Variants in SPEG observed in about 807,000 individuals in gnomAD.
SPEG encodes striated muscle enriched protein kinase.
Under a neutral mutation model 300.4 loss-of-function variants are expected in SPEG, and 114 were observed. The observed-to-expected ratio is 0.38, with a 90% CI of 0.33 to 0.44. The LOEUF (loss-of-function observed/expected upper bound fraction) is 0.44, where lower values mean the gene tolerates loss of function less well. Among genes scored for constraint, SPEG ranks in the 20% least tolerant of loss-of-function variants. The pLI, the probability that SPEG is intolerant of heterozygous loss-of-function variation, is 1.00. For missense variants in SPEG, 4,201 were observed against 4,586.2 expected (o/e 0.92, Z 2.43); for synonymous variants, 1,964 against 2,018.9 (o/e 0.97, Z 0.73).
Position 219,444,015 on chromosome 2 carries a change from C to T in SPEG, c.389-638C>T, listed in dbSNP as rs776599911. ...CTGTCCCTGTCTCTCTCCTGCTGCTCCTATGGAAGCGAAGTTTTCCGCTCC... is the reference window on the plus strand; with the variant it reads ...CTGTCCCTGTCTCTCTCCTGCTGCTTCTATGGAAGCGAAGTTTTCCGCTCC... On this transcript the variant is annotated intron_variant, in intron 1 of 40. Coordinates refer to ENST00000312358, the MANE Select transcript of SPEG (RefSeq NM_005876.5). This position sits in a 1 kb window ranked among gnomAD's most constrained non-coding sequence, Gnocchi z 7.8. The T allele has an allele frequency of 2.9e-6, 4 of 1,365,388 alleles. No individual in the cohort carries two copies. The highest frequency in any genetic ancestry group is 1.1e-5 in the South Asian group (1 of 87,558). The allele number at this position is 1,365,388 out of a possible 1,614,324, so 84.6% of individuals were successfully genotyped here. A position where few individuals can be genotyped will look rare whatever the true frequency, so the allele number is the denominator to read the frequency against.
intron 31 of SPEG, among the ~76,000 whole-genome samples, chr2:219,487,091 C>T (rs1693503184): frequency 6.6e-6 from 1 of 152,100 alleles, no homozygotes; most frequent in African/African-American, 2.4e-5. Flanking sequence ...TAAAATCCAC[C>T]CCCAAGTCCT....
Position 219,448,835 on chromosome 2 carries a change from C to A in SPEG, c.1677C>A (p.Ser559Arg), listed in dbSNP as rs771573280. 1.1e-5 allele frequency: 16 copies of A among 1,401,068 alleles called. No individual in the cohort carries two copies. The highest frequency in any genetic ancestry group is 1.2e-5 in the Non-Finnish European group (13 of 1,085,652). 86.8% of individuals were successfully genotyped at this position (1,401,068 alleles called of 1,614,324 possible). Reference sequence around the variant, plus strand: ...CCGCCGCCCAGCCGCCCTCTCCGAGCAGCGCGGAGAAGCCGGGGGACGAGC... The same window carrying A: ...CCGCCGCCCAGCCGCCCTCTCCGAGAAGCGCGGAGAAGCCGGGGGACGAGC... Reference protein sequence around the residue: ...SPAAAQPPSPSSAEKPGDEPG... With the variant: ...SPAAAQPPSPRSAEKPGDEPG... The change falls in exon 4 of 41, where the codon AGC (serine) becomes AGA (arginine). Residue 559 changes from serine to arginine, a missense_variant. Around this residue, in one of 4 missense-constraint regions of SPEG, gnomAD observed 1,258 missense variants for 1,293.9 expected, o/e 0.97. Coordinates refer to ENST00000312358, the MANE Select transcript of SPEG (RefSeq NM_005876.5).
intron 6 of SPEG, among the ~76,000 whole-genome samples, chr2:219,455,541 G>C (rs776192681): frequency 2.0e-5 from 3 of 152,154 alleles, no homozygotes; most frequent in Admixed American, 6.5e-5. Flanking sequence ...GTCAGCTCTA[G>C]GAGCTTAGGG....
At position 219,483,457 on chromosome 2, in the gene SPEG, G is replaced by A. The variant is rs1214763968; in HGVS notation, c.5994G>A (p.Glu1998=). 3.3e-6 allele frequency: 5 copies of A among 1,506,982 alleles called. No homozygotes were observed. Among genetic ancestry groups the A allele is most frequent in the Admixed American group, 2.3e-5 (1 of 42,600 alleles). 93.4% of individuals were successfully genotyped at this position (1,506,982 alleles called of 1,614,324 possible). ...AGGCCCTCCCCTCCCCAGGCCAGGA[G>A]CCCGCAGCTGGGGCTAGCCCCAGGC... ...SPEALPSPGQ[E]PAAGASPRRG... The change falls in exon 30 of 41, where the codon GAG becomes GAA. Residue 1998 remains glutamate, a synonymous_variant. Coordinates refer to ENST00000312358, the MANE Select transcript of SPEG (RefSeq NM_005876.5).
chr2:219,474,795 C>CTT (rs34814828), intron 18 of SPEG, among the ~76,000 whole-genome samples: 5 of 110,434 alleles, frequency 4.5e-5, no homozygotes, highest in African/African-American at 9.4e-5. Flanking sequence ...AGCAAGGATT[C>CTT]TTTTTTTTTT....
Position 219,451,786 on chromosome 2 carries a change from G to T in SPEG, c.2419G>T (p.Ala807Ser). 1.3e-6 allele frequency: 2 copies of T among 1,548,686 alleles called. No individual in the cohort carries two copies. The highest frequency in any genetic ancestry group is 1.7e-6 in the Non-Finnish European group (2 of 1,146,142). The change falls in exon 6 of 41, where the codon GCC becomes TCC. Residue 807 changes from alanine (A) to serine (S), a missense_variant. Physicochemically the swap from Ala to Ser is moderately conservative, Grantham distance 99. Coordinates refer to ENST00000312358, the MANE Select transcript of SPEG (RefSeq NM_005876.5). The surrounding 1 kb of genome is among the most constrained non-coding windows in gnomAD (Gnocchi z 6.4). ...CGAGCTGGGCCAGGCCACCTGTGCCGCCTCACTGACCGTGAGACCCGGTAG... is the reference window on the plus strand; with the variant it reads ...CGAGCTGGGCCAGGCCACCTGTGCCTCCTCACTGACCGTGAGACCCGGTAG... ...TNELGQATCA[A>S]SLTVRPGGST...
Position 219,484,745 on chromosome 2 carries a change from G to A in SPEG, c.7282G>A (p.Ala2428Thr). Residue 2428 changes from alanine (A) to threonine (T), a missense_variant, in exon 30 of 41, where the codon GCC becomes ACC. This residue lies in a region of SPEG where 1,578 missense variants were observed against 1,506.0 expected (regional missense o/e 1.05). Transcript: ENST00000312358. ...GACCCCTCCCGCGCAGCGCCACCCG[G>A]CCTGGGAGGCCCGCGGCGGGGACGG... ...RRTPPAQRHP[A>T]WEARGGDGES... 6.8e-7 allele frequency: 1 copy of A among 1,469,110 alleles called. No homozygotes were observed. Among genetic ancestry groups the A allele is most frequent in the East Asian group, 2.8e-5 (1 of 36,260 alleles). 91.0% of individuals were successfully genotyped at this position (1,469,110 alleles called of 1,614,324 possible).
rs1195596468 is a variant in SPEG, at chr2:219,439,008, G to A, written c.388+3643G>A. Among the ~76,000 whole-genome samples the A allele has an allele frequency of 6.6e-6, 1 of 152,224 alleles. No homozygotes were observed. Among genetic ancestry groups the A allele is most frequent in the East Asian group, 1.9e-4 (1 of 5,198 alleles). ...GGAGCTGGGAATGGGTATGGGGAGT[G>A]TCAACATGCATGCATGCCAAGTGCT... On this transcript the variant is annotated intron_variant, in intron 1 of 40. Coordinates refer to ENST00000312358, the MANE Select transcript of SPEG (RefSeq NM_005876.5). This position sits in a 1 kb window ranked among gnomAD's most constrained non-coding sequence, Gnocchi z 4.5.
chr2:219,457,716 G>C (rs1690301786), intron 6 of SPEG, among the ~76,000 whole-genome samples: 1 of 152,226 alleles, frequency 6.6e-6, no homozygotes, highest in African/African-American at 2.4e-5. Context: ...CCTGAGGCTG[G>C]CCCTCGGGTG....
Position 219,443,204 on chromosome 2 carries a change from T to C in SPEG, c.389-1449T>C. 9 of 1,552,174 alleles carry C rather than the reference T, an allele frequency of 5.8e-6. No individual in the cohort carries two copies. The highest frequency in any genetic ancestry group is 8.0e-6 in the Non-Finnish European group (9 of 1,124,580). ...AGCCCATGCCTACTCCTCCTCTTGG[T>C]CCCTGTCCCTCTGTGAGGCATCGAG... On this transcript the variant is annotated intron_variant, in intron 1 of 40. Coordinates refer to ENST00000312358, the MANE Select transcript of SPEG (RefSeq NM_005876.5). This position sits in a 1 kb window ranked among gnomAD's most constrained non-coding sequence, Gnocchi z 4.6.
In SPEG at chr2:219,490,857, G is replaced by A; in HGVS notation, c.9286G>A (p.Asp3096Asn). The stretch of plus-strand genomic sequence containing the variant: ...GCCAGACAACCTGCTGCTGGCCCCT[G>A]ACAATGCCCTCAAGATTGTGGACTT... ...IKPDNLLLAP[D>N]NALKIVDFGS... Residue 3096 changes from aspartate (D) to asparagine (N), a missense_variant, in exon 38 of 41, where the codon GAC (aspartate) becomes AAC (asparagine). Around this residue, in one of 4 missense-constraint regions of SPEG, gnomAD observed 318 missense variants for 429.5 expected, o/e 0.74. Transcript: ENST00000312358. 2.5e-6 allele frequency: 4 copies of A among 1,613,908 alleles called. No homozygotes were observed. Among genetic ancestry groups the A allele is most frequent in the South Asian group, 2.2e-5 (2 of 91,060 alleles).
At chr2:219,466,403 C>T (rs1045859988) in intron 9 of SPEG, 20 of 1,334,736 alleles carry the variant, frequency 1.5e-5, no homozygotes, top group Non-Finnish European at 1.9e-5. Context: ...ACTGCTGCTA[C>T]AGGCCTGTCT....
chr2:219,443,752 GTGTGTGTGTGCA>G lies in SPEG; in HGVS notation c.389-890_389-879del, dbSNP rs1689085381. ...GGACTGGACACAAGCAGGTGTGTGTGTGTGTGTGTGCATGTGTGTGTGTGGCCAGTGGCAGCA... is the reference window on the plus strand; with the variant it reads ...GGACTGGACACAAGCAGGTGTGTGTGTGTGTGTGTGTGGCCAGTGGCAGCA... On this transcript the variant is annotated intron_variant, in intron 1 of 40. Coordinates refer to ENST00000312358, the MANE Select transcript of SPEG (RefSeq NM_005876.5). The surrounding 1 kb of genome is among the most constrained non-coding windows in gnomAD (Gnocchi z 4.6). The G allele has an allele frequency of 5.6e-6, 2 of 356,978 alleles. No individual in the cohort carries two copies. The highest frequency in any genetic ancestry group is 1.1e-5 in the Non-Finnish European group (2 of 180,050). 22.1% of individuals were successfully genotyped at this position (356,978 alleles called of 1,614,324 possible). A position where few individuals can be genotyped will look rare whatever the true frequency, so the allele number is the denominator to read the frequency against.
rs927783074 is a variant in SPEG at position 219,483,439 on chromosome 2, C to T, written c.5976C>T (p.Leu1992=). 3.2e-6 allele frequency: 5 copies of T among 1,548,330 alleles called. No individual in the cohort carries two copies. Among genetic ancestry groups the T allele is most frequent in the East Asian group, 2.3e-5 (1 of 42,886 alleles). Residue 1992 remains leucine, a synonymous_variant, in exon 30 of 41, where the codon CTC becomes CTT. Coordinates refer to ENST00000312358, the MANE Select transcript of SPEG (RefSeq NM_005876.5). ...QDQEAPSPEA[L]PSPGQEPAAG... is the part of the protein sequence containing the mutation. ...AGGAGGCTCCCAGCCCAGAGGCCCTCCCCTCCCCAGGCCAGGAGCCCGCAG... is the reference window on the plus strand; with the variant it reads ...AGGAGGCTCCCAGCCCAGAGGCCCTTCCCTCCCCAGGCCAGGAGCCCGCAG...
chr2:219,468,881 G>T lies in SPEG; in HGVS notation c.3324G>T (p.Glu1108Asp), dbSNP rs777902859. ...THFGCPMEES[E>D]NLRLRQDGGL... ...CAGGCTGCCCCATGGAGGAGAGTGA[G>T]AACTTGCGGCTGCGGCAGGACGGGG... The change falls in exon 12 of 41, where the codon GAG (glutamate) becomes GAT (aspartate). Residue 1108 changes from glutamate to aspartate, a missense_variant. Around this residue, in one of 4 missense-constraint regions of SPEG, gnomAD observed 1,047 missense variants for 1,356.8 expected, o/e 0.77. Transcript: ENST00000312358. 1 of 1,613,324 alleles carries T rather than the reference G, an allele frequency of 6.2e-7. No individual in the cohort carries two copies. Among genetic ancestry groups the T allele is most frequent in the East Asian group, 2.2e-5 (1 of 44,890 alleles).
chr2:219,472,005 G>T lies in SPEG; in HGVS notation c.3835+18G>T. On this transcript the variant is annotated intron_variant, in intron 14 of 40. Transcript: ENST00000312358. Reference sequence around the variant, plus strand: ...TGTCACAGGTGAGGCAGGCACCCTCGTGGTCAGCTGCACGCACAGCCTGGC... The same window carrying T: ...TGTCACAGGTGAGGCAGGCACCCTCTTGGTCAGCTGCACGCACAGCCTGGC... 2 of 1,608,670 alleles carry T rather than the reference G, an allele frequency of 1.2e-6. No homozygotes were observed. Among genetic ancestry groups the T allele is most frequent in the South Asian group, 1.1e-5 (1 of 91,042 alleles).
intron 9 of SPEG, chr2:219,466,199 T>C: frequency 6.8e-7 from 1 of 1,470,622 alleles, no homozygotes; most frequent in Non-Finnish European, 9.0e-7. Flanking sequence ...CGTCCCAGCC[T>C]CCCCTCCCCA....
At position 219,467,198 on chromosome 2, in the gene SPEG, C is replaced by A; in HGVS notation, c.2906C>A (p.Ala969Asp). The stretch of plus-strand genomic sequence containing the variant: ...GCACACCCTGAAAGCCGGTCCCTGG[C>A]CGTGCTGGCCCCCCTGCAGGACGTG... The part of the protein sequence containing the change: ...VRAHPESRSL[A>D]VLAPLQDVDV... Residue 969 changes from alanine (A) to aspartate (D), a missense_variant, in exon 10 of 41, where the codon GCC (alanine) becomes GAC (aspartate). By Grantham distance (126) the Ala-to-Asp change is moderately radical. Around this residue, in one of 4 missense-constraint regions of SPEG, gnomAD observed 1,047 missense variants for 1,356.8 expected, o/e 0.77. Transcript: ENST00000312358. 1 of 1,587,210 alleles carries A rather than the reference C, an allele frequency of 6.3e-7. No individual in the cohort carries two copies. The highest frequency in any genetic ancestry group is 1.1e-5 in the South Asian group (1 of 89,494).
At position 219,451,211 on chromosome 2, in the gene SPEG, A is replaced by C. The variant is rs965197596; in HGVS notation, c.2189A>C (p.Asn730Thr). The change falls in exon 5 of 41, where the codon AAT (asparagine) becomes ACT (threonine). Residue 730 changes from asparagine to threonine, a missense_variant. Physicochemically the swap from Asn to Thr is moderately conservative, Grantham distance 65 (BLOSUM62 0). This residue lies in a region of SPEG where 1,258 missense variants were observed against 1,293.9 expected (regional missense o/e 0.97). Transcript: ENST00000312358. This position sits in a 1 kb window ranked among gnomAD's most constrained non-coding sequence, Gnocchi z 6.4. ...EAPVFEIPLQ[N>T]VVVAPGADVL... ...CCTGTGTTTGAGATCCCCCTGCAGA[A>C]TGTGGTGGTGGCACCAGGGGCAGAT... The C allele has an allele frequency of 1.3e-5, 21 of 1,613,752 alleles. No homozygotes were observed. Among genetic ancestry groups the C allele is most frequent in the Middle Eastern group, 1.6e-4 (1 of 6,082 alleles).
Sources: gnomAD v4.1 joint callset for allele counts (sites outside exome capture counted in the v4.1 genomes callset) on GRCh38, gnomAD v4.1.1 for gene constraint, gnomAD v4.1.1 regional missense constraint, Gnocchi (gnomAD v3.1) non-coding constraint, MANE v1.5 for transcripts, NCBI Gene and HGNC (gene_info 2026-07-23, HGNC 2026-07-21) for gene names.